RUNX1T1: variants seen among roughly 807,000 people sequenced by gnomAD.
The protein encoded by RUNX1T1 is protein CBFA2T1.
RUNX1T1 carries 4 observed loss-of-function variants against 62.8 expected under a neutral mutation model. The observed-to-expected ratio is 0.06, with a 90% CI of 0.03 to 0.15. RUNX1T1 has a LOEUF of 0.15. RUNX1T1 is among the 10% of genes least tolerant of loss of function. The pLI, the probability that RUNX1T1 is intolerant of heterozygous loss-of-function variation, is 1.00. For synonymous variants in RUNX1T1, 291 were observed against 286.0 expected (o/e 1.02, Z -0.18); for missense variants, 508 against 754.3 (o/e 0.67, Z 3.82).
intron 1 of RUNX1T1, among the ~76,000 whole-genome samples, chr8:92,060,553 A>ATATATATATATATGTGTGTG: frequency 6.3e-4 from 40 of 63,956 alleles, no homozygotes; most frequent in Non-Finnish European, 2.6e-4. Flanking sequence ...ATATATATAT[A>ATATATATATATATGTGTGTG]TGTGTGTGTG....
intron 2 of RUNX1T1, among the ~76,000 whole-genome samples, chr8:92,072,092 T>C (rs1368388957): frequency 6.6e-6 from 1 of 152,262 alleles, no homozygotes; most frequent in Admixed American, 6.5e-5. Flanking sequence ...AAAACGCTGG[T>C]ATCTTAATCA....
chr8:92,008,388 TCACACACA>T (rs566293413), intron 4 of RUNX1T1, among the ~76,000 whole-genome samples: 235 of 131,938 alleles, frequency 1.8e-3, no homozygotes, highest in African/African-American at 5.1e-3. Context: ...TCTCTCTCTC[TCACACACA>T]CACACACACA....
chr8:92,060,553 A>ATATATATATATATATATGTGTG, intron 1 of RUNX1T1, among the ~76,000 whole-genome samples: 12 of 63,970 alleles, frequency 1.9e-4, no homozygotes, highest in Non-Finnish European at 3.6e-4. Flanking sequence ...ATATATATAT[A>ATATATATATATATATATGTGTG]TGTGTGTGTG....
At chr8:92,101,410 C>T (rs1250267251), upstream of RUNX1T1, among the ~76,000 whole-genome samples, 1 of 152,128 alleles carries the variant, frequency 6.6e-6, no homozygotes, top group Non-Finnish European at 1.5e-5. Context: ...GTCTTCACTC[C>T]CTAGCTCTGG....
At chr8:92,034,797 T>C (rs28540672) in intron 1 of RUNX1T1, among the ~76,000 whole-genome samples, 1,745 of 96,866 alleles carry the variant, frequency 0.018, 72 homozygotes, top group African/African-American at 0.051. Context: ...TATACATATA[T>C]ACACACACAC....
At chr8:92,100,609 G>A (rs1369670645), upstream of RUNX1T1, among the ~76,000 whole-genome samples, 2 of 152,032 alleles carry the variant, frequency 1.3e-5, no homozygotes, top group Non-Finnish European at 1.5e-5. Flanking sequence ...CATCCATCCT[G>A]GCTGCAAAAA....
chr8:91,960,320 C>A, exon 11 of RUNX1T1: 1 of 1,611,542 alleles, frequency 6.2e-7, no homozygotes, highest in South Asian at 1.1e-5. Flanking sequence ...GTGTGTCCAT[C>A]GGGCTCCCAG....
chr8:91,986,631 A>C (rs1005968649), intron 7 of RUNX1T1, among the ~76,000 whole-genome samples: 1 of 152,224 alleles, frequency 6.6e-6, no homozygotes, highest in Non-Finnish European at 1.5e-5. Context: ...TGACCTTTTC[A>C]CAATAGAACA....
rs1483726115 is a variant in RUNX1T1, at chr8:91,959,436, G to C, written c.*806C>G. 6.8e-4 allele frequency: 78 copies of C among 114,712 alleles called. 2 individuals are homozygous for C. Among genetic ancestry groups the C allele is most frequent in the African/African-American group, 3.1e-3 (35 of 11,376 alleles). The allele number at this position is 114,712 out of a possible 1,614,324, so 7.1% of individuals were successfully genotyped here. A position where few individuals can be genotyped will look rare whatever the true frequency, so the allele number is the denominator to read the frequency against. On this transcript the variant is annotated 3_prime_UTR_variant, in exon 11 of 11. Transcript: ENST00000396218. ...CTTGTGTGTGTGTGTGTGTGTGTGT[G>C]TGTGTGTGTGTGTGTGTGTGTGTGT...
intron 3 of RUNX1T1, among the ~76,000 whole-genome samples, chr8:92,014,243 G>A (rs1424164789): frequency 6.6e-6 from 1 of 151,778 alleles, no homozygotes; most frequent in Admixed American, 6.6e-5. Flanking sequence ...GGCATGCCAG[G>A]AAAGTGTACT....
downstream of RUNX1T1, chr8:91,958,437 G>GA: frequency 5.1e-6 from 1 of 194,544 alleles, no homozygotes; most frequent in Non-Finnish European, 1.1e-5. Flanking sequence ...TTCCCTTTTT[G>GA]TAAGAATACT....
intron 2 of RUNX1T1, among the ~76,000 whole-genome samples, chr8:92,072,757 T>A (rs1563902137): frequency 6.6e-6 from 1 of 152,156 alleles, no homozygotes; most frequent in Non-Finnish European, 1.5e-5. Flanking sequence ...ATCAGACCCC[T>A]CAAACATGAC....
intron 1 of RUNX1T1, among the ~76,000 whole-genome samples, chr8:92,080,812 C>A (rs1040558247): frequency 6.6e-6 from 1 of 152,214 alleles, no homozygotes; most frequent in Non-Finnish European, 1.5e-5. Context: ...TTTCTTCAAG[C>A]CCCTTTCTCT....
At chr8:92,013,153 C>T (rs1437941376) in intron 3 of RUNX1T1, among the ~76,000 whole-genome samples, 1 of 152,092 alleles carries the variant, frequency 6.6e-6, no homozygotes, top group Non-Finnish European at 1.5e-5. Flanking sequence ...GTTCCTTGGT[C>T]TAACTTATTT....
At chr8:91,960,077 C>T (rs1334224472) in exon 11 of RUNX1T1, 1 of 690,220 alleles carries the variant, frequency 1.4e-6, no homozygotes, top group Non-Finnish European at 2.4e-6. Flanking sequence ...CTGTGTTTTA[C>T]TACCACCTCA....
At chr8:92,081,077 T>G (rs1051130504) in intron 1 of RUNX1T1, among the ~76,000 whole-genome samples, 1 of 152,222 alleles carries the variant, frequency 6.6e-6, no homozygotes, top group Admixed American at 6.5e-5. Context: ...GCACTCTGGC[T>G]GGATTGGAAT....
upstream of RUNX1T1, among the ~76,000 whole-genome samples, chr8:92,064,545 C>T (rs1171891503): frequency 6.6e-6 from 1 of 152,166 alleles, no homozygotes; most frequent in Non-Finnish European, 1.5e-5. Context: ...TTATGGAATC[C>T]AGCATCCTAA....
At chr8:91,991,222 G>A (rs1163467129) in intron 6 of RUNX1T1, among the ~76,000 whole-genome samples, 2 of 152,034 alleles carry the variant, frequency 1.3e-5, no homozygotes, top group Admixed American at 6.6e-5. Flanking sequence ...CAAAATAAAC[G>A]TAGAGACTAT....
At chr8:91,989,416 A>G (rs1466473395) in intron 6 of RUNX1T1, among the ~76,000 whole-genome samples, 1 of 152,204 alleles carries the variant, frequency 6.6e-6, no homozygotes, top group Non-Finnish European at 1.5e-5. Context: ...GATTAGCACT[A>G]TTGGTTTTAT....
Sources: gnomAD v4.1 joint callset for allele counts (sites outside exome capture counted in the v4.1 genomes callset) on GRCh38, gnomAD v4.1.1 for gene constraint, MANE v1.5 for transcripts, NCBI Gene and HGNC (gene_info 2026-07-23, HGNC 2026-07-21) for gene names.